TYRP1: variants seen among roughly 807,000 people sequenced by gnomAD.
TYRP1 encodes tyrosinase related protein 1, also known as 5,6-dihydroxyindole-2-carboxylic acid oxidase.
Under a neutral mutation model 42.8 loss-of-function variants are expected in TYRP1, and 49 were observed. That is an observed-to-expected ratio of 1.14 (90% confidence interval 0.91 to 1.45). The LOEUF (loss-of-function observed/expected upper bound fraction) is 1.45, where lower values mean the gene tolerates loss of function less well. TYRP1 is among the 40% of genes most tolerant of loss of function. The pLI is 0.00. For missense variants in TYRP1, 848 were observed against 662.0 expected, an observed-to-expected ratio of 1.28 and a Z score of -3.08; for synonymous variants, 279 against 235.4, an observed-to-expected ratio of 1.19 and a Z score of -1.69.
intron 3 of TYRP1, among the ~76,000 whole-genome samples, chr9:12,697,293 C>A (rs1215108893): frequency 6.6e-6 from 1 of 152,130 alleles, no homozygotes; most frequent in Non-Finnish European, 1.5e-5. Context: ...AGGGATGCAA[C>A]AAATTAGAAT....
rs1563858505 is a variant in TYRP1, at chr9:12,708,958, T to TATC, written c.1409-18_1409-16dup. 2 of 1,604,424 alleles carry TATC rather than the reference T, an allele frequency of 1.2e-6. No individual in the cohort carries two copies. Among genetic ancestry groups the TATC allele is most frequent in the Middle Eastern group, 1.7e-4 (1 of 6,040 alleles). On this transcript the variant is annotated intron_variant, in intron 7 of 7. Coordinates refer to ENST00000388918, the MANE Select transcript of TYRP1 (RefSeq NM_000550.3). ...ATTTTAATATTTGTCTTTTTATTTT[T>TATC]ATCTTCCTTTCCAAATAGGTCGGGA...
Position 12,695,790 on chromosome 9 carries a change from C to T in TYRP1, c.661C>T (p.Leu221Phe). ...TTTCTCTCATGAGGGACCAGCTTTTCTCACATGGCACAGGTACCACCTCCT... is the reference window on the plus strand; with the variant it reads ...TTTCTCTCATGAGGGACCAGCTTTTTTCACATGGCACAGGTACCACCTCCT... ...VDFSHEGPAF[L>F]TWHRYHLLRL... Residue 221 changes from leucine (L) to phenylalanine (F), a missense_variant, in exon 3 of 8, where the codon CTC becomes TTC. Coordinates refer to ENST00000388918, the MANE Select transcript of TYRP1 (RefSeq NM_000550.3). 6.2e-7 allele frequency: 1 copy of T among 1,614,114 alleles called. No homozygotes were observed. Among genetic ancestry groups the T allele is most frequent in the Non-Finnish European group, 8.5e-7 (1 of 1,180,006 alleles).
intron 5 of TYRP1, 128 bp downstream of exon 5, chr9:12,702,566 T>G (rs2118249807): frequency 1.0e-6 from 1 of 989,184 alleles, no homozygotes; most frequent in Non-Finnish European, 1.5e-6. Flanking sequence ...GAATGAGATT[T>G]TCTATTATGA....
intron 3 of TYRP1, among the ~76,000 whole-genome samples, chr9:12,697,357 G>A (rs1818094469): frequency 6.6e-6 from 1 of 152,118 alleles, no homozygotes; most frequent in Admixed American, 6.6e-5. Context: ...GCTCCCAAAT[G>A]TCAGTTGCTG....
At chr9:12,703,826 A>C (rs1413777802) in intron 5 of TYRP1, among the ~76,000 whole-genome samples, 1 of 151,142 alleles carries the variant, frequency 6.6e-6, no homozygotes, top group Admixed American at 6.6e-5. Flanking sequence ...ATTTTTATTT[A>C]TGACCTGTCT....
chr9:12,701,306 C>CCAAA (rs1818163947), intron 4 of TYRP1, among the ~76,000 whole-genome samples: 1 of 151,882 alleles, frequency 6.6e-6, no homozygotes, highest in South Asian at 2.1e-4. Flanking sequence ...AAACTATTTC[C>CCAAA]CAAACAGGCC....
intron 2 of TYRP1, 195 bp downstream of exon 2, chr9:12,694,576 C>G (rs1187747324): frequency 4.6e-6 from 3 of 658,942 alleles, no homozygotes; most frequent in Non-Finnish European, 7.7e-6. Flanking sequence ...AAGCTCAGAA[C>G]TTCTGATCAA....
Position 12,694,048 on chromosome 9 carries a change from C to T in TYRP1, c.52C>T (p.Leu18Phe), listed in dbSNP as rs775797105. The change falls in exon 2 of 8, where the codon CTT becomes TTT. Residue 18 changes from leucine (L) to phenylalanine (F), a missense_variant. Transcript: ENST00000388918. ...GGGCTGTATCTTCTTCCCCTTGCTA[C>T]TTTTTCAGCAGGCCCGGGCTCAATT... ...SLGCIFFPLL[L>F]FQQARAQFPR... 6.2e-7 allele frequency: 1 copy of T among 1,614,046 alleles called. No homozygotes were observed. The highest frequency in any genetic ancestry group is 8.5e-7 in the Non-Finnish European group (1 of 1,180,014).
At chr9:12,702,843 G>C (rs192719854) in intron 5 of TYRP1, among the ~76,000 whole-genome samples, 3 of 151,822 alleles carry the variant, frequency 2.0e-5, no homozygotes, top group Middle Eastern at 3.4e-3. Flanking sequence ...CAAACAATTA[G>C]TTGACACTGA....
rs377228308 is a variant in TYRP1, at chr9:12,709,246, G to GTTAT, written c.*66_*69dup. 38 of 1,441,666 alleles carry GTTAT rather than the reference G, an allele frequency of 2.6e-5. No homozygotes were observed. The African/African-American group carries it at 2.7e-4, about 10-fold the overall frequency. 89.3% of individuals were successfully genotyped at this position (1,441,666 alleles called of 1,614,324 possible). ...CACCTGGTTGAATATAATAGATTGA[G>GTTAT]TTATTAACTGTATTTTCTTTCACTT... On this transcript the variant is annotated 3_prime_UTR_variant, in exon 8 of 8. Transcript: ENST00000388918.
At chr9:12,697,711 A>G (rs1373896839) in intron 3 of TYRP1, among the ~76,000 whole-genome samples, 3 of 152,174 alleles carry the variant, frequency 2.0e-5, no homozygotes, top group Non-Finnish European at 4.4e-5. Flanking sequence ...TAAGCATGTG[A>G]TCTTGAGGCC....
chr9:12,707,068 C>A (rs1200233241), intron 6 of TYRP1, among the ~76,000 whole-genome samples: 1 of 151,906 alleles, frequency 6.6e-6, no homozygotes, highest in African/African-American at 2.4e-5. Flanking sequence ...ATGTTAATTT[C>A]TATTTACTAA....
chr9:12,701,278 C>T (rs1446686121), intron 4 of TYRP1, among the ~76,000 whole-genome samples: 1 of 151,888 alleles, frequency 6.6e-6, no homozygotes, highest in African/African-American at 2.4e-5. Context: ...CACTACTATC[C>T]TGGCACATAC....
Position 12,703,922 on chromosome 9 carries a change from T to C in TYRP1, c.1082-604T>C, listed in dbSNP as rs556146183. On this transcript the variant is annotated intron_variant, in intron 5 of 7. Coordinates refer to ENST00000388918, the MANE Select transcript of TYRP1 (RefSeq NM_000550.3). ...GTGTGTGTGTGTGTATATATGTGTG[T>C]GTATATGTATATATGGAATTGAGAT... Among the ~76,000 whole-genome samples, 20 of 151,736 alleles carry C rather than the reference T, an allele frequency of 1.3e-4. No individual in the cohort carries two copies. In the East Asian group the frequency reaches 3.9e-3, roughly 30 times the overall value.
chr9:12,698,365 G>A, intron 3 of TYRP1, 86 bp from the exon 4 acceptor site: 6 of 1,316,246 alleles, frequency 4.6e-6, no homozygotes, highest in Non-Finnish European at 6.5e-6. Flanking sequence ...AGAGCTAATA[G>A]AAATAGACTG....
rs752447935 is a variant in TYRP1, at chr9:12,702,420, T to C, written c.1063T>C (p.Phe355Leu). The change falls in exon 5 of 8, where the codon TTC becomes CTC. Residue 355 changes from phenylalanine to leucine, a missense_variant. Physicochemically the swap from Phe to Leu is conservative, Grantham distance 22. Coordinates refer to ENST00000388918, the MANE Select transcript of TYRP1 (RefSeq NM_000550.3). The part of the protein sequence containing the change: ...PPFYSNSTNS[F>L]RNTVEGYSDP... ...TTTTTATTCCAACTCTACAAACAGT[T>C]TCCGAAACACAGTGGAAGGCAAGTA... 6.2e-7 allele frequency: 1 copy of C among 1,612,888 alleles called. No homozygotes were observed. Among genetic ancestry groups the C allele is most frequent in the East Asian group, 2.2e-5 (1 of 44,814 alleles).
intron 6 of TYRP1, among the ~76,000 whole-genome samples, chr9:12,705,172 G>A (rs937929224): frequency 1.3e-5 from 2 of 151,932 alleles, no homozygotes; most frequent in Non-Finnish European, 2.9e-5. Flanking sequence ...CACTTGAAAA[G>A]TTAATGTTGG....
rs1396386114 is a variant in TYRP1 at position 12,694,293 on chromosome 9, T to A, written c.297T>A (p.Cys99Ter). 1.9e-5 allele frequency: 30 copies of A among 1,613,860 alleles called. No homozygotes were observed. In the Admixed American group the frequency reaches 5.0e-4, roughly 27 times the overall value. The change falls in exon 2 of 8, where the codon TGT becomes TGA. Residue 99 changes from cysteine to a stop codon, truncating the protein, a stop_gained. Coordinates refer to ENST00000388918, the MANE Select transcript of TYRP1 (RefSeq NM_000550.3). LOFTEE classifies it high-confidence loss of function. The stretch of plus-strand genomic sequence containing the variant: ...CCTTGCGCTTCTTCAATAGGACATG[T>A]CACTGCAACGGCAATTTCTCAGGAC... ...VWPLRFFNRTCHCNGNFSGHN... is the reference protein window; with the variant it reads ...VWPLRFFNRT
chr9:12,704,574 A>C lies in TYRP1; in HGVS notation c.1130A>C (p.His377Pro), dbSNP rs747295791. The change falls in exon 6 of 8, where the codon CAC (histidine) becomes CCC (proline). Residue 377 changes from histidine (H) to proline (P), a missense_variant. Coordinates refer to ENST00000388918, the MANE Select transcript of TYRP1 (RefSeq NM_000550.3). The part of the protein sequence containing the change: ...GKYDPAVRSL[H>P]NLAHLFLNGT... ...TATGACCCTGCTGTTCGAAGTCTTCACAATTTGGCTCATCTATTCCTGAAT... is the reference window on the plus strand; with the variant it reads ...TATGACCCTGCTGTTCGAAGTCTTCCCAATTTGGCTCATCTATTCCTGAAT... 1 of 1,613,102 alleles carries C rather than the reference A, an allele frequency of 6.2e-7. No homozygotes were observed.
Sources: gnomAD v4.1 joint callset for allele counts (sites outside exome capture counted in the v4.1 genomes callset) on GRCh38, gnomAD v4.1.1 for gene constraint, MANE v1.5 for transcripts, NCBI Gene and HGNC (gene_info 2026-07-23, HGNC 2026-07-21) for gene names.